Variants in PBX3 observed in about 807,000 individuals in gnomAD.
PBX3 encodes pre-B-cell leukemia transcription factor 3.
Under a neutral mutation model 48.5 loss-of-function variants are expected in PBX3, and 14 were observed. The ratio of observed to expected loss-of-function variants is 0.29; its 90% CI spans 0.19 to 0.45. The LOEUF (loss-of-function observed/expected upper bound fraction) is 0.45. Among genes scored for constraint, PBX3 ranks in the 20% least tolerant of loss-of-function variants. The probability of loss-of-function intolerance (pLI) is 1.00; values close to 1 mark genes in which losing one functional copy is unlikely to be tolerated. For missense variants in PBX3, 386 were observed against 546.7 expected (o/e 0.71, Z 2.93); for synonymous variants, 210 against 200.3 (o/e 1.05, Z -0.41).
At chr9:125,904,105 G>C (rs1373687498) in intron 2 of PBX3, among the ~76,000 whole-genome samples, 3 of 151,770 alleles carry the variant, frequency 2.0e-5, no homozygotes, top group Non-Finnish European at 4.4e-5. Flanking sequence ...AAAATTATTT[G>C]GAAGCATTTA....
In PBX3 at chr9:125,964,615, G is replaced by A. The variant is rs1842494049; in HGVS notation, c.1213-1216G>A. ...CTTCCCTTAGGGTCTGGTCATCTCT[G>A]TGGGGTTCTTAGGTCATAGAGGTAG... is the stretch of plus-strand genomic sequence containing the variant. On this transcript the variant is annotated intron_variant, in intron 8 of 8. Coordinates refer to ENST00000373489, the MANE Select transcript of PBX3 (RefSeq NM_006195.6). 2.0e-5 allele frequency among the ~76,000 whole-genome samples: 3 copies of A among 151,526 alleles called. No homozygotes were observed. In the South Asian group the frequency reaches 6.3e-4, roughly 32 times the overall value.
chr9:125,757,824 T>C (rs1248681560), intron 2 of PBX3, among the ~76,000 whole-genome samples: 1 of 152,232 alleles, frequency 6.6e-6, no homozygotes, highest in Non-Finnish European at 1.5e-5. Flanking sequence ...GCTGTCACTA[T>C]AAAACCCAGT....
At chr9:125,791,824 T>C (rs1196266553) in intron 2 of PBX3, among the ~76,000 whole-genome samples, 1 of 151,476 alleles carries the variant, frequency 6.6e-6, no homozygotes. Flanking sequence ...TAGTCCCAGC[T>C]ACTCGGGAGG....
chr9:125,806,723 C>A (rs1451912978), intron 2 of PBX3, among the ~76,000 whole-genome samples: 2 of 152,168 alleles, frequency 1.3e-5, no homozygotes, highest in Non-Finnish European at 2.9e-5. Context: ...ATATTAAGCT[C>A]AGTGTCTCAT....
At chr9:125,838,169 G>C (rs1321313896) in intron 2 of PBX3, among the ~76,000 whole-genome samples, 3 of 152,198 alleles carry the variant, frequency 2.0e-5, no homozygotes, top group Non-Finnish European at 4.4e-5. Flanking sequence ...TCCTGCCTCA[G>C]ACCCCTGTGT....
At chr9:125,859,030 C>G (rs1839796352) in intron 2 of PBX3, among the ~76,000 whole-genome samples, 1 of 152,150 alleles carries the variant, frequency 6.6e-6, no homozygotes, top group African/African-American at 2.4e-5. Context: ...AGCTTCTGCC[C>G]ATAGACAAGT....
intron 2 of PBX3, among the ~76,000 whole-genome samples, chr9:125,817,501 ACATT>A (rs1319672383): frequency 6.6e-6 from 1 of 152,194 alleles, no homozygotes; most frequent in Non-Finnish European, 1.5e-5. Context: ...ACACACACAC[ACATT>A]AATTTCATTG....
chr9:125,781,794 A>G (rs1837325900), intron 2 of PBX3, among the ~76,000 whole-genome samples: 1 of 150,888 alleles, frequency 6.6e-6, no homozygotes, highest in Non-Finnish European at 1.5e-5. Flanking sequence ...TAGGTTATTG[A>G]TTTGAGATCT....
intron 2 of PBX3, among the ~76,000 whole-genome samples, chr9:125,802,840 G>A (rs986436213): frequency 1.3e-5 from 2 of 151,652 alleles, no homozygotes; most frequent in Non-Finnish European, 2.9e-5. Flanking sequence ...CACCACACCC[G>A]GGTAATTTTT....
At chr9:125,877,287 T>G (rs1352344338) in intron 2 of PBX3, among the ~76,000 whole-genome samples, 2 of 151,964 alleles carry the variant, frequency 1.3e-5, no homozygotes, top group African/African-American at 4.8e-5. Flanking sequence ...CATGAAAGAG[T>G]CTTTTCTCAT....
intron 2 of PBX3, among the ~76,000 whole-genome samples, chr9:125,816,054 C>T (rs941122253): frequency 3.3e-5 from 5 of 152,226 alleles, no homozygotes; most frequent in Middle Eastern, 3.4e-3. Flanking sequence ...ACCTAGACTG[C>T]GGTTTAGGGG....
intron 2 of PBX3, among the ~76,000 whole-genome samples, chr9:125,794,049 TATG>T (rs1379013252): frequency 2.0e-5 from 3 of 152,206 alleles, no homozygotes; most frequent in African/African-American, 7.2e-5. Context: ...TTCTTACAAA[TATG>T]ATGTTTTCTT....
chr9:125,769,414 G>A (rs1179751334), intron 2 of PBX3, among the ~76,000 whole-genome samples: 1 of 152,220 alleles, frequency 6.6e-6, no homozygotes, highest in Non-Finnish European at 1.5e-5. Flanking sequence ...CTACAAGTCT[G>A]TGTAAAGTGA....
intron 2 of PBX3, among the ~76,000 whole-genome samples, chr9:125,818,114 G>A (rs1029965357): frequency 3.5e-4 from 53 of 151,762 alleles, no homozygotes; most frequent in Admixed American, 1.0e-3. Context: ...CAGAAGAATA[G>A]CTAGAACCCG....
chr9:125,755,204 A>G (rs532570998), intron 2 of PBX3, among the ~76,000 whole-genome samples: 4 of 152,070 alleles, frequency 2.6e-5, no homozygotes, highest in Non-Finnish European at 5.9e-5. Context: ...TTAAAATCCC[A>G]TAAAATTTTA....
intron 2 of PBX3, among the ~76,000 whole-genome samples, chr9:125,900,132 A>G (rs997651461): frequency 1.3e-5 from 2 of 151,336 alleles, no homozygotes; most frequent in African/African-American, 4.8e-5. Context: ...ACCCGACATG[A>G]TTTATTTTGC....
intron 2 of PBX3, among the ~76,000 whole-genome samples, chr9:125,877,812 C>A (rs1477336174): frequency 6.6e-6 from 1 of 152,204 alleles, no homozygotes; most frequent in African/African-American, 2.4e-5. Context: ...GTACCTATCA[C>A]GTGCTGGGCA....
intron 2 of PBX3, among the ~76,000 whole-genome samples, chr9:125,772,473 A>T (rs1303137879): frequency 1.3e-5 from 2 of 152,202 alleles, no homozygotes; most frequent in Non-Finnish European, 2.9e-5. Context: ...ATTTGGAGAG[A>T]TACAGTAAGA....
At chr9:125,924,293 A>G (rs1432296832) in intron 3 of PBX3, among the ~76,000 whole-genome samples, 2 of 152,226 alleles carry the variant, frequency 1.3e-5, no homozygotes, top group African/African-American at 2.4e-5. Context: ...CAAACTCACT[A>G]TGGGCTTGAC....
Sources: gnomAD v4.1 joint callset for allele counts (sites outside exome capture counted in the v4.1 genomes callset) on GRCh38, gnomAD v4.1.1 for gene constraint, MANE v1.5 for transcripts, NCBI Gene and HGNC (gene_info 2026-07-23, HGNC 2026-07-21) for gene names.